The following CLDN16 variants were observed in gnomAD, a reference collection of about 807,000 sequenced individuals.
CLDN16 encodes the protein claudin-16.
In CLDN16, 13 loss-of-function variants were observed where a neutral mutation model predicts 24.6. The observed-to-expected ratio is 0.53, with a 90% CI of 0.34 to 0.84. CLDN16 has a LOEUF of 0.84. Among genes scored for constraint, CLDN16 ranks in the 40% least tolerant of loss-of-function variants. The probability of loss-of-function intolerance (pLI) is 0.01; values close to 1 mark genes in which losing one functional copy is unlikely to be tolerated. For missense variants in CLDN16, 298 were observed against 292.7 expected, an observed-to-expected ratio of 1.02 and a Z score of -0.13; for synonymous variants, 116 against 106.7, an observed-to-expected ratio of 1.09 and a Z score of -0.54.
At chr3:190,312,027 T>C in the CLDN16 span, among the ~76,000 whole-genome samples, 1 of 151,648 alleles carries the variant, frequency 6.6e-6, no homozygotes, top group Admixed American at 6.6e-5. Context: ...GGCTCCCGAG[T>C]TGAGGTGATT....
At chr3:190,317,769 C>T (rs1283913180), upstream of CLDN16, among the ~76,000 whole-genome samples, 2 of 152,294 alleles carry the variant, frequency 1.3e-5, no homozygotes, top group East Asian at 3.9e-4. Flanking sequence ...GTCAACCCTC[C>T]CTACATGCAG....
At chr3:190,327,045 T>C (rs924268291) in intron 1 of CLDN16, among the ~76,000 whole-genome samples, 3 of 152,028 alleles carry the variant, frequency 2.0e-5, no homozygotes, top group African/African-American at 4.8e-5. Context: ...TGTGTGTCTG[T>C]GGAGAGAGAG....
chr3:190,403,569 G>A (rs927336575), intron 2 of CLDN16, among the ~76,000 whole-genome samples: 1 of 152,070 alleles, frequency 6.6e-6, no homozygotes, highest in Non-Finnish European at 1.5e-5. Context: ...GGCACCATAA[G>A]GCAACTTCTT....
At chr3:190,394,734 T>C (rs1164833215) in intron 1 of CLDN16, among the ~76,000 whole-genome samples, 1 of 152,168 alleles carries the variant, frequency 6.6e-6, no homozygotes, top group Non-Finnish European at 1.5e-5. Context: ...ATATTAATGA[T>C]ATGAGGTGAT....
chr3:190,297,729 CAG>C, the CLDN16 span, among the ~76,000 whole-genome samples: 2 of 123,518 alleles, frequency 1.6e-5, no homozygotes, highest in Admixed American at 9.0e-5. Context: ...ATTTATTTTT[CAG>C]ATATATATAT....
the CLDN16 span, chr3:190,313,121 T>C: frequency 3.3e-6 from 5 of 1,503,896 alleles, no homozygotes; most frequent in Admixed American, 8.4e-5. Context: ...ATGTCACTGT[T>C]GTATGGAAGA....
chr3:190,322,048 G>A, upstream of CLDN16: 2 of 1,614,228 alleles, frequency 1.2e-6, no homozygotes, highest in Non-Finnish European at 1.7e-6. Flanking sequence ...GCGACACGCA[G>A]GACATCCACA....
At chr3:190,322,560 C>T in exon 1 of CLDN16, 2 of 311,070 alleles carry the variant, frequency 6.4e-6, no homozygotes, top group Non-Finnish European at 6.0e-6. Flanking sequence ...CCGGGAGCGC[C>T]CGGTTGGGGA....
chr3:190,389,952 T>C (rs1463595933), intron 1 of CLDN16, among the ~76,000 whole-genome samples: 1 of 152,228 alleles, frequency 6.6e-6, no homozygotes, highest in African/African-American at 2.4e-5. Context: ...GCTGACATAA[T>C]TGCTAACTTC....
chr3:190,398,318 AG>A (rs1407908832), intron 1 of CLDN16, among the ~76,000 whole-genome samples: 1 of 152,218 alleles, frequency 6.6e-6, no homozygotes, highest in African/African-American at 2.4e-5. Context: ...GAAGTTGGCA[AG>A]GCTGCGCTGC....
intron 1 of CLDN16, among the ~76,000 whole-genome samples, chr3:190,326,476 C>G (rs1369748935): frequency 6.6e-6 from 1 of 152,200 alleles, no homozygotes; most frequent in Non-Finnish European, 1.5e-5. Context: ...TAGGTCCCCT[C>G]TCCAAGCCTT....
the CLDN16 span, among the ~76,000 whole-genome samples, chr3:190,299,639 C>T: frequency 6.6e-6 from 1 of 151,898 alleles, no homozygotes; most frequent in African/African-American, 2.4e-5. Context: ...TTTGTTTCCC[C>T]TGTAAATATC....
chr3:190,305,139 C>T, the CLDN16 span, among the ~76,000 whole-genome samples: 1 of 152,174 alleles, frequency 6.6e-6, no homozygotes, highest in South Asian at 2.1e-4. Flanking sequence ...GCACCTCACC[C>T]ATCATGCTAA....
At chr3:190,321,684 T>C (rs915701693), upstream of CLDN16, among the ~76,000 whole-genome samples, 2 of 152,180 alleles carry the variant, frequency 1.3e-5, no homozygotes, top group Admixed American at 6.5e-5. Context: ...AGAGCTCAAG[T>C]TCAAGTTTGG....
the CLDN16 span, among the ~76,000 whole-genome samples, chr3:190,315,156 ATG>A: frequency 6.6e-6 from 1 of 152,318 alleles, no homozygotes; most frequent in South Asian, 2.1e-4. Flanking sequence ...CAGATTTCAG[ATG>A]TGGTCCTAAG....
At chr3:190,291,624 CT>C in the CLDN16 span, among the ~76,000 whole-genome samples, 2 of 152,092 alleles carry the variant, frequency 1.3e-5, no homozygotes, top group Non-Finnish European at 1.5e-5. Context: ...TATTTTGCCC[CT>C]GGTCCCTCTT....
chr3:190,352,809 A>T (rs7617229), intron 1 of CLDN16, among the ~76,000 whole-genome samples: 105,796 of 151,284 alleles, frequency 0.7, 37,124 homozygotes, highest in Middle Eastern at 0.78. Flanking sequence ...AAAAAAGGAT[A>T]AAAAAAACCT....
intron 1 of CLDN16, among the ~76,000 whole-genome samples, chr3:190,340,691 T>G (rs1717407835): frequency 6.6e-6 from 1 of 151,962 alleles, no homozygotes; most frequent in African/African-American, 2.4e-5. Context: ...TTCCCAACAG[T>G]CCCCCAACAT....
the CLDN16 span, among the ~76,000 whole-genome samples, chr3:190,297,597 A>C: frequency 7.1e-6 from 1 of 140,280 alleles, no homozygotes; most frequent in Non-Finnish European, 1.5e-5. Context: ...ATATCTATAT[A>C]ATATATATCT....
Sources: gnomAD v4.1 joint callset for allele counts (sites outside exome capture counted in the v4.1 genomes callset) on GRCh38, gnomAD v4.1.1 for gene constraint, MANE v1.5 for transcripts, NCBI Gene and HGNC (gene_info 2026-07-23, HGNC 2026-07-21) for gene names.